Variants in RMST observed in about 807,000 individuals in gnomAD.
The protein encoded by RMST is rhabdomyosarcoma 2 associated transcript.
chr12:97,502,888 T>C (rs1878244290), intron 10 of RMST, among the ~76,000 whole-genome samples: 1 of 152,228 alleles, frequency 6.6e-6, no homozygotes, highest in Non-Finnish European at 1.5e-5. Context: ...TAAACACTTA[T>C]ATTGATATTC....
At chr12:97,538,181 A>G (rs1196005520) in intron 11 of RMST, among the ~76,000 whole-genome samples, 1 of 151,334 alleles carries the variant, frequency 6.6e-6, no homozygotes, top group Admixed American at 6.6e-5. Context: ...TGATCCTAGG[A>G]TTGTTAAGAA....
chr12:97,545,329 A>G (rs1232403509), intron 11 of RMST, among the ~76,000 whole-genome samples: 1 of 152,066 alleles, frequency 6.6e-6, no homozygotes, highest in Non-Finnish European at 1.5e-5. Flanking sequence ...GCAGTGGTTG[A>G]CATTGCGAGT....
At chr12:97,481,796 T>C (rs958543315) in intron 5 of RMST, among the ~76,000 whole-genome samples, 15 of 152,176 alleles carry the variant, frequency 9.9e-5, no homozygotes, top group Non-Finnish European at 1.5e-5. Flanking sequence ...AGTTGGGACA[T>C]TCAGAAATTT....
chr12:97,476,228 T>C (rs1874534315), intron 5 of RMST, among the ~76,000 whole-genome samples: 1 of 152,176 alleles, frequency 6.6e-6, no homozygotes, highest in African/African-American at 2.4e-5. Flanking sequence ...TATTTGTGAT[T>C]ATATGACTCT....
At chr12:97,561,570 C>T (rs1476643150) in intron 13 of RMST, among the ~76,000 whole-genome samples, 2 of 150,350 alleles carry the variant, frequency 1.3e-5, no homozygotes, top group Non-Finnish European at 2.9e-5. Flanking sequence ...AACCTTTTCC[C>T]TTTGGGACGA....
chr12:97,479,883 G>A (rs1404392234), intron 5 of RMST, among the ~76,000 whole-genome samples: 2 of 151,950 alleles, frequency 1.3e-5, no homozygotes, highest in African/African-American at 2.4e-5. Context: ...CCAACCTAAC[G>A]TGTGCAAACT....
At chr12:97,548,852 T>TA (rs1180016054) in intron 11 of RMST, among the ~76,000 whole-genome samples, 4 of 152,070 alleles carry the variant, frequency 2.6e-5, no homozygotes, top group African/African-American at 9.7e-5. Context: ...TTTGATCACA[T>TA]AAAAAAACAA....
At chr12:97,491,217 T>G (rs567016633) in intron 5 of RMST, among the ~76,000 whole-genome samples, 2 of 152,300 alleles carry the variant, frequency 1.3e-5, no homozygotes, top group East Asian at 3.9e-4. Context: ...AGCTCACCTA[T>G]GGGGAAGGCT....
chr12:97,516,406 T>C (rs1029672448), intron 10 of RMST, among the ~76,000 whole-genome samples: 2 of 152,028 alleles, frequency 1.3e-5, no homozygotes, highest in Admixed American at 1.3e-4. Flanking sequence ...TCTGAATAGG[T>C]TTGGCAAAAC....
intron 5 of RMST, among the ~76,000 whole-genome samples, chr12:97,484,378 T>C (rs1380276864): frequency 6.6e-6 from 1 of 152,208 alleles, no homozygotes; most frequent in East Asian, 1.9e-4. Context: ...CTAACAGATA[T>C]AGTGTGCAGA....
intron 5 of RMST, among the ~76,000 whole-genome samples, chr12:97,482,777 T>TTAAATAAATTTATATTATTTATTTAA (rs1875563865): frequency 1.4e-5 from 2 of 139,004 alleles, no homozygotes; most frequent in Non-Finnish European, 3.1e-5. Flanking sequence ...TATTTATTTA[T>TTAAATAAATTTATATTATTTATTTAA]TAAATAAATT....
At chr12:97,478,671 G>A (rs1874846014) in intron 5 of RMST, among the ~76,000 whole-genome samples, 1 of 152,178 alleles carries the variant, frequency 6.6e-6, no homozygotes, top group South Asian at 2.1e-4. Flanking sequence ...TATCATACAA[G>A]CATTATTATA....
At chr12:97,481,159 A>C (rs541694571) in intron 5 of RMST, among the ~76,000 whole-genome samples, 3 of 151,952 alleles carry the variant, frequency 2.0e-5, no homozygotes, top group Admixed American at 2.0e-4. Flanking sequence ...TTAACTTTTA[A>C]TTTTTTTTCT....
chr12:97,512,024 G>A (rs1188712782), intron 10 of RMST, among the ~76,000 whole-genome samples: 1 of 152,184 alleles, frequency 6.6e-6, no homozygotes, highest in Non-Finnish European at 1.5e-5. Flanking sequence ...GTTCTTAAAG[G>A]TGGCGTGTCC....
chr12:97,513,874 C>A (rs1565928652), intron 10 of RMST, among the ~76,000 whole-genome samples: 1 of 152,020 alleles, frequency 6.6e-6, no homozygotes, highest in Non-Finnish European at 1.5e-5. Context: ...AGAAAAGGGT[C>A]AGGAGAAATG....
rs1884285544 is a variant in RMST, at chr12:97,563,406, T to A, written n.1959-744T>A. The stretch of plus-strand genomic sequence containing the variant: ...TGAAAAGTCTAAAAGCCAGCATGGG[T>A]ATGTAAGAAAGCTTTCTGGGGAAAA... On this transcript the variant is annotated intron_variant and non_coding_transcript_variant, in intron 13 of 13. Transcript: ENST00000640149. 1.8e-5 allele frequency: 4 copies of A among 225,024 alleles called. No homozygotes were observed. In the South Asian group the frequency reaches 2.4e-4, roughly 13 times the overall value. 13.9% of individuals were successfully genotyped at this position (225,024 alleles called of 1,614,324 possible). A position where few individuals can be genotyped will look rare whatever the true frequency, so the allele number is the denominator to read the frequency against.
chr12:97,522,853 G>A (rs940576065), intron 10 of RMST, among the ~76,000 whole-genome samples: 1 of 152,184 alleles, frequency 6.6e-6, no homozygotes, highest in South Asian at 2.1e-4. Flanking sequence ...AGATCATATA[G>A]CCTCTAATAA....
chr12:97,508,327 G>A (rs1285117179), intron 10 of RMST, among the ~76,000 whole-genome samples: 1 of 152,194 alleles, frequency 6.6e-6, no homozygotes, highest in Non-Finnish European at 1.5e-5. Flanking sequence ...ACTCCTGGGG[G>A]AGGTGGAAGA....
intron 10 of RMST, among the ~76,000 whole-genome samples, chr12:97,502,601 C>A (rs1181377078): frequency 6.6e-6 from 1 of 152,162 alleles, no homozygotes; most frequent in Non-Finnish European, 1.5e-5. Context: ...GCTCAGACAA[C>A]AAGCTCATGC....
Sources: allele counts gnomAD v4.1 joint callset (sites outside exome capture counted in the v4.1 genomes callset), GRCh38; gene constraint gnomAD v4.1.1; transcripts MANE v1.5; gene names NCBI Gene and HGNC (gene_info 2026-07-23, HGNC 2026-07-21).